Variants in RASGRF2 observed in about 807,000 individuals in gnomAD.
The protein encoded by RASGRF2 is ras-specific guanine nucleotide-releasing factor 2.
In RASGRF2, 76 loss-of-function variants were observed where a neutral mutation model predicts 151.0. The observed-to-expected ratio is 0.50, with a 90% confidence interval of 0.42 to 0.61. The LOEUF (loss-of-function observed/expected upper bound fraction) is 0.61. Among genes scored for constraint, RASGRF2 ranks in the 20% least tolerant of loss-of-function variants. RASGRF2 has a pLI of 0.00. For missense variants in RASGRF2, 1,148 were observed against 1,564.6 expected (o/e 0.73, Z 4.49); for synonymous variants, 504 against 566.5 (o/e 0.89, Z 1.57).
chr5:81,135,961 T>C (rs1039501542), intron 17 of RASGRF2, among the ~76,000 whole-genome samples: 3 of 152,194 alleles, frequency 2.0e-5, no homozygotes, highest in African/African-American at 7.2e-5. Flanking sequence ...CCTTGTAATA[T>C]TACTGTGAGT....
intron 1 of RASGRF2, among the ~76,000 whole-genome samples, chr5:80,982,745 T>C (rs955888771): frequency 1.6e-3 from 239 of 151,890 alleles, no homozygotes; most frequent in African/African-American, 5.3e-3. Context: ...GGACTACAAG[T>C]GCCTGCCACC....
intron 2 of RASGRF2, among the ~76,000 whole-genome samples, chr5:81,057,996 A>T (rs1301638900): frequency 6.6e-6 from 1 of 152,070 alleles, no homozygotes; most frequent in African/African-American, 2.4e-5. Context: ...AACCTGCCTC[A>T]AAAATAATTA....
intron 1 of RASGRF2, among the ~76,000 whole-genome samples, chr5:80,986,866 T>A (rs1324832936): frequency 6.6e-6 from 1 of 152,174 alleles, no homozygotes; most frequent in African/African-American, 2.4e-5. Context: ...TGCTTAATAT[T>A]TGCTGTTGGC....
chr5:81,015,273 T>C (rs1211695402), intron 1 of RASGRF2, among the ~76,000 whole-genome samples: 3 of 152,174 alleles, frequency 2.0e-5, no homozygotes, highest in African/African-American at 7.2e-5. Context: ...ATCCTTTGGG[T>C]ATATAGCCAG....
At chr5:81,005,783 C>CT (rs745630653) in intron 1 of RASGRF2, among the ~76,000 whole-genome samples, 46 of 152,048 alleles carry the variant, frequency 3.0e-4, no homozygotes, top group Non-Finnish European at 5.3e-4. Context: ...TTTTGCAGTA[C>CT]TTTTTTTCCT....
chr5:81,087,013 G>C (rs147665836), intron 9 of RASGRF2, 60 bp downstream of exon 9: 32,605 of 1,448,344 alleles, frequency 0.023, 454 homozygotes, highest in Middle Eastern at 0.06. Flanking sequence ...ACATGATCTC[G>C]GCACACCCCG....
intron 18 of RASGRF2, among the ~76,000 whole-genome samples, chr5:81,189,376 G>T (rs1561251943): frequency 6.6e-6 from 1 of 152,154 alleles, no homozygotes; most frequent in Non-Finnish European, 1.5e-5. Flanking sequence ...ATAAAATTTG[G>T]TCTCAATGTG....
chr5:81,046,932 C>T (rs1750853738), intron 2 of RASGRF2, among the ~76,000 whole-genome samples: 1 of 152,116 alleles, frequency 6.6e-6, no homozygotes, highest in Non-Finnish European at 1.5e-5. Flanking sequence ...TTGACTAAGC[C>T]TAATACCCAC....
intron 1 of RASGRF2, among the ~76,000 whole-genome samples, chr5:81,017,734 A>C (rs1374886081): frequency 6.6e-6 from 1 of 152,174 alleles, no homozygotes; most frequent in Non-Finnish European, 1.5e-5. Flanking sequence ...GTTATGGTAA[A>C]CACCAGTCAC....
chr5:81,158,964 A>G (rs1395714636), intron 17 of RASGRF2, among the ~76,000 whole-genome samples: 2 of 152,210 alleles, frequency 1.3e-5, no homozygotes, highest in Non-Finnish European at 2.9e-5. Flanking sequence ...AAATGAACCC[A>G]TATGTTCCTA....
chr5:80,998,692 T>C lies in RASGRF2; in HGVS notation c.288+37666T>C, dbSNP rs568570311. 5.3e-5 allele frequency among the ~76,000 whole-genome samples: 8 copies of C among 152,328 alleles called. No individual in the cohort carries two copies. The South Asian group carries it at 1.7e-3, about 32-fold the overall frequency. ...GAAGACACATAAGTGCCTTCTGCTG[T>C]GCGTTCTACACCCACGCTCCACCCT... On this transcript the variant is annotated intron_variant, in intron 1 of 26. Transcript: ENST00000265080.
chr5:81,075,290 A>G (rs1175524069), intron 5 of RASGRF2, among the ~76,000 whole-genome samples: 2 of 152,210 alleles, frequency 1.3e-5, no homozygotes, highest in Non-Finnish European at 2.9e-5. Context: ...AAAGCAAGGC[A>G]GATTTGTTAG....
At chr5:80,980,250 G>C (rs140348814) in intron 1 of RASGRF2, among the ~76,000 whole-genome samples, 1 of 152,288 alleles carries the variant, frequency 6.6e-6, no homozygotes, top group African/African-American at 2.4e-5. Context: ...TTTGCACCAA[G>C]AACATTGTGT....
intron 17 of RASGRF2, among the ~76,000 whole-genome samples, chr5:81,152,837 C>T (rs986523429): frequency 2.0e-5 from 3 of 152,186 alleles, no homozygotes; most frequent in Non-Finnish European, 4.4e-5. Context: ...TCTCCTTACC[C>T]CATCTCCTTT....
At chr5:81,123,510 C>A in intron 15 of RASGRF2, 132 bp from the exon 16 acceptor site, 1 of 1,142,144 alleles carries the variant, frequency 8.8e-7, no homozygotes, top group Non-Finnish European at 1.2e-6. Flanking sequence ...TAGTACTTGA[C>A]TTGATTTCAT....
chr5:81,100,551 C>A (rs150934472), intron 12 of RASGRF2, among the ~76,000 whole-genome samples: 3 of 152,156 alleles, frequency 2.0e-5, no homozygotes, highest in African/African-American at 7.2e-5. Flanking sequence ...CCTTTTTCAT[C>A]TATTTATAGG....
intron 17 of RASGRF2, among the ~76,000 whole-genome samples, chr5:81,127,632 CT>C (rs1753493932): frequency 6.6e-6 from 1 of 152,036 alleles, no homozygotes; most frequent in Non-Finnish European, 1.5e-5. Context: ...CTTCAGAAAT[CT>C]CCTTATTTGG....
intron 3 of RASGRF2, among the ~76,000 whole-genome samples, chr5:81,069,414 A>G (rs1043734062): frequency 6.6e-6 from 1 of 152,220 alleles, no homozygotes; most frequent in African/African-American, 2.4e-5. Flanking sequence ...ATTTAAAACA[A>G]AATTATTGTG....
chr5:81,124,039 A>G (rs1363837228), intron 16 of RASGRF2, among the ~76,000 whole-genome samples: 3 of 152,204 alleles, frequency 2.0e-5, no homozygotes, highest in African/African-American at 7.2e-5. Flanking sequence ...TTTTCTTGTC[A>G]TTATTCCCTA....
Sources: gnomAD v4.1 joint callset for allele counts (sites outside exome capture counted in the v4.1 genomes callset) on GRCh38, gnomAD v4.1.1 for gene constraint, MANE v1.5 for transcripts, NCBI Gene and HGNC (gene_info 2026-07-23, HGNC 2026-07-21) for gene names.